Variants in ASTN2 observed in about 807,000 individuals in gnomAD.
The protein encoded by ASTN2 is astrotactin-2.
ASTN2 carries 54 observed loss-of-function variants against 139.8 expected under a neutral mutation model. The observed-to-expected ratio is 0.39, with a 90% CI of 0.31 to 0.48. The LOEUF (loss-of-function observed/expected upper bound fraction) is 0.48. Ranked by LOEUF, ASTN2 falls within the 20% of genes least tolerant of loss-of-function variation. The pLI, the probability that ASTN2 is intolerant of heterozygous loss-of-function variation, is 0.95. For missense variants in ASTN2, 1,565 were observed against 1,725.1 expected, an observed-to-expected ratio of 0.91 and a Z score of 1.64; for synonymous variants, 756 against 719.5, an observed-to-expected ratio of 1.05 and a Z score of -0.81.
intron 13 of ASTN2, among the ~76,000 whole-genome samples, chr9:116,768,298 G>C (rs1406804017): frequency 7.1e-6 from 1 of 140,542 alleles, no homozygotes; most frequent in Non-Finnish European, 1.6e-5. Flanking sequence ...CCTCCAATTT[G>C]CCAAAACTGC....
chr9:116,529,202 C>T (rs1851219755), intron 19 of ASTN2, among the ~76,000 whole-genome samples: 4 of 152,150 alleles, frequency 2.6e-5, no homozygotes, highest in Admixed American at 2.6e-4. Context: ...CCCTGCAGAG[C>T]CACAGGGATG....
chr9:117,037,993 G>A (rs1360626760), intron 6 of ASTN2, among the ~76,000 whole-genome samples: 1 of 152,098 alleles, frequency 6.6e-6, no homozygotes, highest in African/African-American at 2.4e-5. Context: ...CTTGTACATA[G>A]GTCTGAAAAT....
intron 1 of ASTN2, among the ~76,000 whole-genome samples, chr9:117,385,615 A>T (rs1027908157): frequency 3.9e-5 from 6 of 152,158 alleles, no homozygotes; most frequent in African/African-American, 1.4e-4. Flanking sequence ...CTTGATCAAG[A>T]CCATGGGGTG....
intron 6 of ASTN2, among the ~76,000 whole-genome samples, chr9:117,012,680 C>A (rs1412108554): frequency 6.6e-6 from 1 of 152,154 alleles, no homozygotes; most frequent in Non-Finnish European, 1.5e-5. Context: ...TAAGCTATAC[C>A]TTGAAGGATG....
intron 10 of ASTN2, among the ~76,000 whole-genome samples, chr9:116,911,279 G>T (rs1026707460): frequency 1.3e-5 from 2 of 152,088 alleles, no homozygotes; most frequent in African/African-American, 4.8e-5. Context: ...AGATCAAGAC[G>T]CTTATCCATT....
chr9:117,017,422 A>C (rs1837745672), intron 6 of ASTN2, among the ~76,000 whole-genome samples: 1 of 152,150 alleles, frequency 6.6e-6, no homozygotes, highest in Non-Finnish European at 1.5e-5. Flanking sequence ...TAATACTGAA[A>C]AATCTCTCTC....
intron 19 of ASTN2, among the ~76,000 whole-genome samples, chr9:116,594,622 C>T (rs1009839031): frequency 3.9e-5 from 6 of 152,164 alleles, no homozygotes; most frequent in Non-Finnish European, 7.4e-5. Flanking sequence ...CATTGGATGT[C>T]ATTTCCATCA....
intron 16 of ASTN2, among the ~76,000 whole-genome samples, chr9:116,714,406 G>A (rs932895993): frequency 5.9e-5 from 9 of 152,072 alleles, no homozygotes; most frequent in African/African-American, 2.2e-4. Flanking sequence ...AAAACTAACA[G>A]TAATAATAAT....
chr9:117,370,814 C>T (rs577663140), intron 1 of ASTN2, among the ~76,000 whole-genome samples: 1 of 152,166 alleles, frequency 6.6e-6, no homozygotes, highest in African/African-American at 2.4e-5. Context: ...GAGATCAAGT[C>T]ATCCTCCCAC....
intron 5 of ASTN2, among the ~76,000 whole-genome samples, chr9:117,077,539 G>C (rs1163304851): frequency 6.6e-6 from 1 of 152,268 alleles, no homozygotes; most frequent in East Asian, 1.9e-4. Context: ...CTTAAGCCCA[G>C]GAGTTCAAGA....
At chr9:117,200,938 T>C (rs1284290833) in intron 3 of ASTN2, among the ~76,000 whole-genome samples, 1 of 151,304 alleles carries the variant, frequency 6.6e-6, no homozygotes, top group Non-Finnish European at 1.5e-5. Context: ...GAAGGAATGG[T>C]ACCAGCTCCT....
At chr9:117,054,410 A>C (rs76939351) in intron 5 of ASTN2, among the ~76,000 whole-genome samples, 3,754 of 152,232 alleles carry the variant, frequency 0.025, 123 homozygotes, top group Admixed American at 0.095. Flanking sequence ...TCATTCAACA[A>C]ATATATATTA....
intron 10 of ASTN2, among the ~76,000 whole-genome samples, chr9:116,933,129 T>C (rs1208621441): frequency 3.3e-5 from 5 of 152,122 alleles, no homozygotes; most frequent in Non-Finnish European, 5.9e-5. Flanking sequence ...GTCTATGCTA[T>C]TGTAGACTAA....
intron 22 of ASTN2, among the ~76,000 whole-genome samples, chr9:116,427,398 C>T (rs1050922072): frequency 6.6e-6 from 1 of 152,204 alleles, no homozygotes; most frequent in Non-Finnish European, 1.5e-5. Context: ...AATGTGGAAA[C>T]TGAGGCTTAG....
intron 13 of ASTN2, 119 bp from the exon 14 acceptor site, chr9:116,733,642 T>A: frequency 7.6e-7 from 1 of 1,324,222 alleles, no homozygotes; most frequent in Non-Finnish European, 1.0e-6. Flanking sequence ...GACTTTGCTG[T>A]AATGCCTCTG....
At chr9:117,238,308 T>C (rs1833106474) in intron 2 of ASTN2, among the ~76,000 whole-genome samples, 1 of 152,076 alleles carries the variant, frequency 6.6e-6, no homozygotes, top group African/African-American at 2.4e-5. Context: ...TCAATGGGGA[T>C]AGTGAGATGT....
rs373899722 is a variant in ASTN2 at position 116,480,718 on chromosome 9, C to T, written c.3497+6641G>A. On this transcript the variant is annotated intron_variant, in intron 20 of 22. Coordinates refer to ENST00000313400, the MANE Select transcript of ASTN2 (RefSeq NM_001365068.1). Reference sequence around the variant, plus strand: ...GGACCTGAAGGAGAACAAGGAAACACACATGGGAAGAGTCAAGGGAAGGAC... The same window carrying T: ...GGACCTGAAGGAGAACAAGGAAACATACATGGGAAGAGTCAAGGGAAGGAC... Among the ~76,000 whole-genome samples the T allele has an allele frequency of 1.3e-4, 20 of 152,230 alleles. 1 individual carries two copies. The South Asian group carries it at 3.5e-3, about 27-fold the overall frequency.
intron 5 of ASTN2, among the ~76,000 whole-genome samples, chr9:117,066,010 T>C (rs1283896511): frequency 2.5e-5 from 2 of 79,742 alleles, no homozygotes; most frequent in Non-Finnish European, 6.4e-5. Context: ...ATCACTCCCA[T>C]TTTATCTTTT....
intron 17 of ASTN2, among the ~76,000 whole-genome samples, chr9:116,631,797 T>C (rs530952119): frequency 3.3e-5 from 5 of 152,286 alleles, no homozygotes; most frequent in Admixed American, 2.0e-4. Flanking sequence ...GATTTGATAA[T>C]TATACATTGC....
Sources: allele counts gnomAD v4.1 joint callset (sites outside exome capture counted in the v4.1 genomes callset), GRCh38; gene constraint gnomAD v4.1.1; transcripts MANE v1.5; gene names NCBI Gene and HGNC (gene_info 2026-07-23, HGNC 2026-07-21).